CCDC40: variants seen among roughly 807,000 people sequenced by gnomAD.
CCDC40 encodes coiled-coil domain 40 molecular ruler complex subunit.
Under a neutral mutation model 124.5 loss-of-function variants are expected in CCDC40, and 104 were observed. That is an observed-to-expected ratio of 0.84 (90% CI 0.71 to 0.98). The LOEUF (loss-of-function observed/expected upper bound fraction) is 0.98, where lower values mean the gene tolerates loss of function less well. Among genes scored for constraint, CCDC40 ranks in the 50% least tolerant of loss-of-function variants. The probability of loss-of-function intolerance (pLI) is 0.00; values close to 1 mark genes in which losing one functional copy is unlikely to be tolerated. For synonymous variants in CCDC40, 580 were observed against 602.9 expected, an observed-to-expected ratio of 0.96 and a Z score of 0.56; for missense variants, 1,463 against 1,503.9, an observed-to-expected ratio of 0.97 and a Z score of 0.45.
chr17:80,065,677 C>G (rs1443433047), intron 10 of CCDC40, 71 bp downstream of exon 10: 3 of 1,591,642 alleles, frequency 1.9e-6, no homozygotes, highest in Non-Finnish European at 2.6e-6. Context: ...GCCCCACACC[C>G]CCTCTCTCTG....
At chr17:80,083,141 A>T (rs2038497622) in intron 12 of CCDC40, among the ~76,000 whole-genome samples, 5 of 148,076 alleles carry the variant, frequency 3.4e-5, no homozygotes, top group South Asian at 4.3e-4. Flanking sequence ...CCAGGAGTGG[A>T]GCGGGGGTGC....
chr17:80,062,375 A>G (rs1178418294), intron 9 of CCDC40, among the ~76,000 whole-genome samples: 1 of 151,968 alleles, frequency 6.6e-6, no homozygotes, highest in Non-Finnish European at 1.5e-5. Flanking sequence ...ACATATGTAT[A>G]CATGTGCCAT....
intron 3 of CCDC40, among the ~76,000 whole-genome samples, chr17:80,045,179 G>T (rs1568672186): frequency 6.6e-6 from 1 of 152,224 alleles, no homozygotes; most frequent in Non-Finnish European, 1.5e-5. Context: ...ACCTGGGGCT[G>T]CCCGTGCAAA....
chr17:80,078,330 C>CA (rs71163916), intron 10 of CCDC40, among the ~76,000 whole-genome samples: 17,062 of 66,232 alleles, frequency 0.26, 1,532 homozygotes, highest in East Asian at 0.35. Context: ...GACTCTGTCT[C>CA]AAAAAAAAAA....
chr17:80,064,209 C>A (rs1483357326), intron 9 of CCDC40, among the ~76,000 whole-genome samples: 1 of 152,196 alleles, frequency 6.6e-6, no homozygotes, highest in Non-Finnish European at 1.5e-5. Flanking sequence ...AGGGCGATGG[C>A]CTCTCTCATG....
chr17:80,068,279 C>A (rs141299693), intron 10 of CCDC40, among the ~76,000 whole-genome samples: 1 of 152,088 alleles, frequency 6.6e-6, no homozygotes, highest in Non-Finnish European at 1.5e-5. Flanking sequence ...GTGATCCACC[C>A]GTCTTGGCCT....
intron 7 of CCDC40, among the ~76,000 whole-genome samples, chr17:80,055,824 TTTG>T (rs932925566): frequency 3.3e-5 from 5 of 151,118 alleles, no homozygotes; most frequent in South Asian, 4.2e-4. Flanking sequence ...TCTTTTTGTT[TTTG>T]TTTTCTTCGA....
In CCDC40 at chr17:80,099,669, C is replaced by T. The variant is rs1298921748; in HGVS notation, c.3323C>T (p.Ala1108Val). 2.5e-6 allele frequency: 4 copies of T among 1,613,842 alleles called. No homozygotes were observed. The South Asian group carries it at 4.4e-5, about 18-fold the overall frequency. Residue 1108 changes from alanine (A) to valine (V), a missense_variant, in exon 20 of 20, where the codon GCC becomes GTC. Transcript: ENST00000397545. ...CTGGACAAGCGACTGGCTCTCATCGCCACCATCCTGGACCGCGTGCGGGAC... is the reference window on the plus strand; with the variant it reads ...CTGGACAAGCGACTGGCTCTCATCGTCACCATCCTGGACCGCGTGCGGGAC... ...QRLDKRLALIATILDRVRDEY... is the reference protein window; with the variant it reads ...QRLDKRLALIVTILDRVRDEY...
intron 3 of CCDC40, among the ~76,000 whole-genome samples, chr17:80,043,772 A>G (rs573717632): frequency 3.4e-5 from 5 of 145,612 alleles, no homozygotes; most frequent in East Asian, 4.1e-4. Context: ...TCCCTCCTCA[A>G]CCTCCCAAAG....
chr17:80,075,275 CTTTTTTTT>C (rs71163915), intron 10 of CCDC40, among the ~76,000 whole-genome samples: 1 of 107,396 alleles, frequency 9.3e-6, no homozygotes, highest in East Asian at 2.6e-4. Context: ...CAAAATATTA[CTTTTTTTT>C]TTTTTTTTTT....
intron 9 of CCDC40, among the ~76,000 whole-genome samples, chr17:80,063,343 C>T (rs1238436698): frequency 2.6e-5 from 4 of 152,162 alleles, no homozygotes; most frequent in Non-Finnish European, 5.9e-5. Context: ...TTTGCACATT[C>T]TATTTGCATA....
chr17:80,058,253 T>C lies in CCDC40; in HGVS notation c.1160-241T>C, dbSNP rs1282687899. 1.3e-5 allele frequency among the ~76,000 whole-genome samples: 2 copies of C among 152,214 alleles called. No individual in the cohort carries two copies. The highest frequency in any genetic ancestry group is 2.9e-5 in the Non-Finnish European group (2 of 68,036). On this transcript the variant is annotated intron_variant, in intron 7 of 19. Transcript: ENST00000397545. This position sits in a 1 kb window ranked among gnomAD's most constrained non-coding sequence, Gnocchi z 4.2. ...GAGACTTGGTGGGGAATGGAACAGC[T>C]TGCTGCAATTTGTGGATGTAGATTC...
At position 80,086,210 on chromosome 17, in the gene CCDC40, G is replaced by A. The variant is rs769042247; in HGVS notation, c.2443G>A (p.Val815Ile). The A allele has an allele frequency of 1.1e-5, 17 of 1,605,186 alleles. No individual in the cohort carries two copies. Among genetic ancestry groups the A allele is most frequent in the African/African-American group, 1.3e-5 (1 of 74,826 alleles). ...LHIMEQKKLR[V>I]ESKIEQEKKE... ...CATCATGGAGCAGAAGAAACTACGAGTAGAAAGTAAGAGCCGCCGTGCCCG... is the reference window on the plus strand; with the variant it reads ...CATCATGGAGCAGAAGAAACTACGAATAGAAAGTAAGAGCCGCCGTGCCCG... The change falls in exon 14 of 20, where the codon GTA (valine) becomes ATA (isoleucine). Residue 815 changes from valine to isoleucine, a missense_variant. By Grantham distance (29) the Val-to-Ile change is conservative. Transcript: ENST00000397545. This position sits in a 1 kb window ranked among gnomAD's most constrained non-coding sequence, Gnocchi z 5.5.
At chr17:80,091,386 T>G (rs2038720685) in intron 17 of CCDC40, among the ~76,000 whole-genome samples, 1 of 151,228 alleles carries the variant, frequency 6.6e-6, no homozygotes, top group African/African-American at 2.4e-5. Context: ...CTATGAGAAT[T>G]GGCTCTTATG....
chr17:80,038,504 C>A (rs536941302), intron 2 of CCDC40, among the ~76,000 whole-genome samples: 2 of 147,136 alleles, frequency 1.4e-5, no homozygotes, highest in Non-Finnish European at 3.0e-5. Context: ...GCACTCCAGC[C>A]TGGGTGACCA....
chr17:80,037,099 C>T (rs1218627638), intron 1 of CCDC40, among the ~76,000 whole-genome samples: 1 of 152,178 alleles, frequency 6.6e-6, no homozygotes, highest in Non-Finnish European at 1.5e-5. Flanking sequence ...GACCTTGCTC[C>T]GGGGCCACTC....
At chr17:80,040,893 C>T (rs556535014) in intron 3 of CCDC40, among the ~76,000 whole-genome samples, 2 of 152,250 alleles carry the variant, frequency 1.3e-5, no homozygotes, top group East Asian at 3.9e-4. Context: ...CTACAGAGAG[C>T]TCTCCAAATG....
At position 80,056,001 on chromosome 17, in the gene CCDC40, TATATATA is replaced by T. The variant is rs2037730979; in HGVS notation, c.1160-2492_1160-2486del. Among the ~76,000 whole-genome samples the T allele has an allele frequency of 2.1e-3, 40 of 19,508 alleles. 1 individual carries two copies. Among genetic ancestry groups the T allele is most frequent in the Non-Finnish European group, 3.3e-3 (28 of 8,396 alleles). 12.8% of individuals were successfully genotyped at this position (19,508 alleles called of 152,430 possible). A position where few individuals can be genotyped will look rare whatever the true frequency, so the allele number is the denominator to read the frequency against. ...ATTTTCATATATATATATATATATA[TATATATA>T]TATATATATTTTTTTTTTTTTTTGG... On this transcript the variant is annotated intron_variant, in intron 7 of 19. Transcript: ENST00000397545.
chr17:80,074,596 A>G (rs2038268121), intron 10 of CCDC40, among the ~76,000 whole-genome samples: 1 of 152,230 alleles, frequency 6.6e-6, no homozygotes, highest in African/African-American at 2.4e-5. Flanking sequence ...CCTGGGCAAC[A>G]TAGCAAGAGC....
Sources: gnomAD v4.1 joint callset for allele counts (sites outside exome capture counted in the v4.1 genomes callset) on GRCh38, gnomAD v4.1.1 for gene constraint, Gnocchi (gnomAD v3.1) non-coding constraint, MANE v1.5 for transcripts, NCBI Gene and HGNC (gene_info 2026-07-23, HGNC 2026-07-21) for gene names.